Variants in CLEC4A observed in about 807,000 individuals in gnomAD.
CLEC4A encodes C-type (calcium dependent, carbohydrate-recognition domain) lectin, superfamily member 6.
A neutral mutation model predicts 32.7 loss-of-function variants in CLEC4A; 27 were observed. That is an observed-to-expected ratio of 0.83 (90% CI 0.61 to 1.14). The LOEUF (loss-of-function observed/expected upper bound fraction) is 1.14. Ranked by LOEUF, CLEC4A falls within the 50% of genes most tolerant of loss-of-function variation. The pLI, the probability that CLEC4A is intolerant of heterozygous loss-of-function variation, is 0.00. For missense variants in CLEC4A, 253 were observed against 274.6 expected, an observed-to-expected ratio of 0.92 and a Z score of 0.55; for synonymous variants, 89 against 93.7, an observed-to-expected ratio of 0.95 and a Z score of 0.29.
chr12:8,134,184 C>G (rs1242747396), intron 3 of CLEC4A: 8 of 1,610,212 alleles, frequency 5.0e-6, no homozygotes, highest in Non-Finnish European at 6.8e-6. Flanking sequence ...ACGAGGGTTT[C>G]TGCTTTGCAT....
At chr12:8,125,717 C>A in intron 2 of CLEC4A, 40 bp downstream of exon 2, 1 of 1,185,170 alleles carries the variant, frequency 8.4e-7, no homozygotes, top group Non-Finnish European at 1.3e-6. Context: ...TATCTGCTGT[C>A]CATGAACAGA....
chr12:8,123,752 T>C lies in CLEC4A; in HGVS notation c.-127T>C. The C allele has an allele frequency of 1.5e-6, 1 of 655,858 alleles. No homozygotes were observed. The highest frequency in any genetic ancestry group is 2.7e-6 in the Non-Finnish European group (1 of 365,432). 40.6% of individuals were successfully genotyped at this position (655,858 alleles called of 1,614,324 possible). The stretch of plus-strand genomic sequence containing the variant: ...TGAGGATATGTGCCTATCTGGTGCC[T>C]CTGCTCTCCACTAGTTGAGTGAAAG... On this transcript the variant is annotated 5_prime_UTR_variant, in exon 1 of 6. Coordinates refer to ENST00000229332, the MANE Select transcript of CLEC4A (RefSeq NM_016184.4).
chr12:8,120,112 G>A (rs1374995866), upstream of CLEC4A, among the ~76,000 whole-genome samples: 3 of 152,146 alleles, frequency 2.0e-5, no homozygotes, highest in East Asian at 5.8e-4. Context: ...ATAATACACA[G>A]AGTATTGCCA....
chr12:8,131,814 ATATATATATC>A (rs763869719), intron 3 of CLEC4A, among the ~76,000 whole-genome samples: 1 of 75,614 alleles, frequency 1.3e-5, no homozygotes, highest in Non-Finnish European at 3.2e-5. Flanking sequence ...ACTCATGGAG[ATATATATATC>A]TATATATATA....
At chr12:8,110,896 C>T in the CLEC4A span, among the ~76,000 whole-genome samples, 10 of 150,130 alleles carry the variant, frequency 6.7e-5, no homozygotes, top group South Asian at 6.3e-4. Context: ...TTTTTTGAGA[C>T]GGAGTCTCGC....
chr12:8,135,270 C>T (rs1948093162), intron 3 of CLEC4A, among the ~76,000 whole-genome samples: 1 of 151,554 alleles, frequency 6.6e-6, no homozygotes. Context: ...AGCATAATGA[C>T]TTATTTTCTA....
Position 8,138,420 on chromosome 12 carries a change from A to G in CLEC4A, c.*133A>G, listed in dbSNP as rs1190177833. On this transcript the variant is annotated 3_prime_UTR_variant, in exon 6 of 6. Coordinates refer to ENST00000229332, the MANE Select transcript of CLEC4A (RefSeq NM_016184.4). ...GTCTGTCAACTATTCTACTTATGAG[A>G]GAATTGGTCTGTACATTGACTGATT... 2 of 1,081,420 alleles carry G rather than the reference A, an allele frequency of 1.8e-6. No individual in the cohort carries two copies. Among genetic ancestry groups the G allele is most frequent in the African/African-American group, 1.6e-5 (1 of 63,196 alleles). The allele number at this position is 1,081,420 out of a possible 1,614,324, so 67.0% of individuals were successfully genotyped here.
upstream of CLEC4A, chr12:8,120,840 G>C (rs1591604778): frequency 6.6e-6 from 1 of 152,272 alleles, no homozygotes; most frequent in African/African-American, 2.4e-5. Context: ...CTTTGTGAAA[G>C]GATTAAACTT....
the CLEC4A span, among the ~76,000 whole-genome samples, chr12:8,103,373 GTTGT>G: frequency 6.4e-5 from 5 of 78,034 alleles, no homozygotes; most frequent in African/African-American, 2.8e-4. Flanking sequence ...GTTTCTTTCT[GTTGT>G]TTTTTTTTTT....
intron 3 of CLEC4A, 56 bp from the exon 4 acceptor site, chr12:8,135,529 A>G (rs1171012142): frequency 6.4e-7 from 1 of 1,556,836 alleles, no homozygotes; most frequent in African/African-American, 1.4e-5. Context: ...AATAATACAC[A>G]CACTTTTAAG....
In CLEC4A at chr12:8,124,037, T is replaced by C; in HGVS notation, c.82+77T>C. ...AGAGGGTTTATGAATAAGGCATAGG[T>C]GTTTTCAGTTGCTGGTTGTCTGATT... On this transcript the variant is annotated intron_variant, in intron 1 of 5. Transcript: ENST00000229332. 3.2e-6 allele frequency: 3 copies of C among 935,658 alleles called. No individual in the cohort carries two copies. In the South Asian group the frequency reaches 4.0e-5, roughly 12 times the overall value. 58.0% of individuals were successfully genotyped at this position (935,658 alleles called of 1,614,324 possible).
chr12:8,122,479 G>T (rs1947841766), upstream of CLEC4A, among the ~76,000 whole-genome samples: 1 of 151,590 alleles, frequency 6.6e-6, no homozygotes, highest in Non-Finnish European at 1.5e-5. Context: ...TGGGGGTGGG[G>T]AGTGGGCTGG....
the CLEC4A span, among the ~76,000 whole-genome samples, chr12:8,113,175 TATC>T: frequency 2.1e-5 from 3 of 144,092 alleles, no homozygotes; most frequent in Non-Finnish European, 3.0e-5. Context: ...GTCCATGTGT[TATC>T]ATTGTTCAAT....
chr12:8,130,283 A>G (rs1370162868), intron 3 of CLEC4A, among the ~76,000 whole-genome samples: 1 of 152,162 alleles, frequency 6.6e-6, no homozygotes, highest in Non-Finnish European at 1.5e-5. Context: ...TTTTTTTCAC[A>G]TATCAGTTAA....
chr12:8,113,576 C>T, the CLEC4A span, among the ~76,000 whole-genome samples: 2 of 152,176 alleles, frequency 1.3e-5, no homozygotes, highest in Admixed American at 6.5e-5. Context: ...CAGCCATCTG[C>T]AGGTACAAAG....
In CLEC4A at chr12:8,136,824, T is replaced by G. The variant is rs1028492263; in HGVS notation, c.487T>G (p.Tyr163Asp). The G allele has an allele frequency of 2.5e-6, 4 of 1,613,428 alleles. No homozygotes were observed. The highest frequency in any genetic ancestry group is 3.4e-6 in the Non-Finnish European group (4 of 1,179,428). Residue 163 changes from tyrosine to aspartate, a missense_variant, in exon 5 of 6, where the codon TAT becomes GAT. Coordinates refer to ENST00000229332, the MANE Select transcript of CLEC4A (RefSeq NM_016184.4). ...CCAGAATCTGCAAGAAGAATCTGCTTATTTTGTGGGGCTCTCAGATCCAGA... is the reference window on the plus strand; with the variant it reads ...CCAGAATCTGCAAGAAGAATCTGCTGATTTTGTGGGGCTCTCAGATCCAGA... ...IFQNLQEESA[Y>D]FVGLSDPEGQ... is the part of the protein sequence containing the mutation.
intron 2 of CLEC4A, among the ~76,000 whole-genome samples, chr12:8,126,802 A>G (rs1231329102): frequency 6.6e-6 from 1 of 152,202 alleles, no homozygotes; most frequent in Non-Finnish European, 1.5e-5. Flanking sequence ...AGCTGTGTGT[A>G]CCAAGAATGA....
chr12:8,114,507 G>A, the CLEC4A span, among the ~76,000 whole-genome samples: 1 of 152,122 alleles, frequency 6.6e-6, no homozygotes, highest in Non-Finnish European at 1.5e-5. Flanking sequence ...GCCTCCCAAA[G>A]TGCTGGGATT....
chr12:8,126,773 C>T (rs73244081), intron 2 of CLEC4A, among the ~76,000 whole-genome samples: 5,892 of 152,098 alleles, frequency 0.039, 313 homozygotes, highest in African/African-American at 0.12. Flanking sequence ...GTAGGCTTTC[C>T]GGAGGAGGTG....
Sources: allele counts gnomAD v4.1 joint callset (sites outside exome capture counted in the v4.1 genomes callset), GRCh38; gene constraint gnomAD v4.1.1; transcripts MANE v1.5; gene names NCBI Gene and HGNC (gene_info 2026-07-23, HGNC 2026-07-21).